Variants in PKD1 observed in about 807,000 individuals in gnomAD.
PKD1 encodes polycystin 1, transient receptor potential channel interacting.
In PKD1, 81 loss-of-function variants were observed where a neutral mutation model predicts 361.7. The observed-to-expected ratio is 0.22, with a 90% CI of 0.19 to 0.27. The LOEUF (loss-of-function observed/expected upper bound fraction) is 0.27. Among genes scored for constraint, PKD1 ranks in the 10% least tolerant of loss-of-function variants. The pLI, the probability that PKD1 is intolerant of heterozygous loss-of-function variation, is 1.00. For synonymous variants in PKD1, 3,615 were observed against 2,818.3 expected (o/e 1.28, Z -8.95); for missense variants, 6,399 against 6,118.3 (o/e 1.05, Z -1.53).
chr16:2,102,980 A>C lies in PKD1; in HGVS notation c.8792-10T>G. ...TCAGACAGGTAGTGGCCTGGGGCAG[A>C]ACGCGCAGGTCACACGCCTGCCGGG... On this transcript the variant is annotated splice_polypyrimidine_tract_variant and intron_variant, in intron 23 of 45. Transcript: ENST00000262304. 3 of 1,601,902 alleles carry C rather than the reference A, an allele frequency of 1.9e-6. No individual in the cohort carries two copies. Among genetic ancestry groups the C allele is most frequent in the Non-Finnish European group, 2.5e-6 (3 of 1,179,562 alleles).
chr16:2,131,395 C>A lies in PKD1; in HGVS notation c.215+4080G>T, dbSNP rs1343596718. 3.3e-5 allele frequency among the ~76,000 whole-genome samples: 5 copies of A among 152,172 alleles called. No individual in the cohort carries two copies. The East Asian group carries it at 9.7e-4, about 29-fold the overall frequency. On this transcript the variant is annotated intron_variant, in intron 1 of 45. Transcript: ENST00000262304. ...GCATGGTGGCGGGCACCAGTCCAGG[C>A]TACTCAGGAGGCTGAGGCAGGAGAA...
intron 21 of PKD1, among the ~76,000 whole-genome samples, chr16:2,104,900 G>A (rs1435911261): frequency 1.2e-5 from 1 of 83,118 alleles, no homozygotes; most frequent in Non-Finnish European, 2.4e-5. Flanking sequence ...GGAGGGGAGA[G>A]AGGAGAGGGG....
rs1409338534 is a variant in PKD1 at position 2,099,774 on chromosome 16, T to C, written c.9924-4A>G. 1.3e-6 allele frequency: 2 copies of C among 1,554,796 alleles called. No homozygotes were observed. Among genetic ancestry groups the C allele is most frequent in the Admixed American group, 1.9e-5 (1 of 51,922 alleles). On this transcript the variant is annotated splice_polypyrimidine_tract_variant and splice_region_variant and intron_variant, in intron 29 of 45. Transcript: ENST00000262304. ...CAGCCTGGACACATGCCCCGTGCTG[T>C]GTGGAGGAGAGGAGGCCACACAGGT...
Position 2,116,619 on chromosome 16 carries a change from G to C in PKD1, c.1632C>G (p.Leu544=). 1 of 1,552,076 alleles carries C rather than the reference G, an allele frequency of 6.4e-7. No individual in the cohort carries two copies. The highest frequency in any genetic ancestry group is 8.7e-7 in the Non-Finnish European group (1 of 1,152,580). Residue 544 remains leucine (L), a synonymous_variant, in exon 8 of 46, where the codon CTC becomes CTG. Transcript: ENST00000262304. ...GGTCCCCACTGGGCGCTCCCACGAGGAGGTTCTCGGCATCCTGCACTGGGC... is the reference window on the plus strand; with the variant it reads ...GGTCCCCACTGGGCGCTCCCACGAGCAGGTTCTCGGCATCCTGCACTGGGC... ...PGGPVQDAEN[L]LVGAPSGDLQ...
Position 2,093,662 on chromosome 16 carries a change from C to G in PKD1, c.10898G>C (p.Ser3633Thr). Residue 3633 changes from serine (S) to threonine (T), a missense_variant, in exon 37 of 46, where the codon AGC (serine) becomes ACC (threonine). By Grantham distance (58) the Ser-to-Thr change is moderately conservative (BLOSUM62 1). Coordinates refer to ENST00000262304, the MANE Select transcript of PKD1 (RefSeq NM_001009944.3). ...TGCGCTCACAGGCGTCACAGCCGGG[C>G]TCTCTACCAGGGTGTCATCTTCATC... Reference protein sequence around the residue: ...HPDEDDTLVESPAVTPVSARV... With the variant: ...HPDEDDTLVETPAVTPVSARV... The G allele has an allele frequency of 6.2e-7, 1 of 1,607,678 alleles. No homozygotes were observed. Among genetic ancestry groups the G allele is most frequent in the Non-Finnish European group, 8.5e-7 (1 of 1,177,336 alleles).
intron 39 of PKD1, 34 bp from the exon 40 acceptor site, chr16:2,092,222 G>A: frequency 2.6e-6 from 4 of 1,554,918 alleles, no homozygotes; most frequent in Non-Finnish European, 3.5e-6. Flanking sequence ...CGGGGCCAGG[G>A]CCTCATCAAA....
chr16:2,103,446 C>T lies in PKD1; in HGVS notation c.8611G>A (p.Ala2871Thr), dbSNP rs556305338. Reference protein sequence around the residue: ...IPIERLASERAITVKVPNNSD... With the variant: ...IPIERLASERTITVKVPNNSD... ...TTGTTGGGCACCTTCACGGTGATGG[C>T]GCGCTCTGAGGCCAGCCGCTCGATG... The change falls in exon 23 of 46, where the codon GCC becomes ACC. Residue 2871 changes from alanine (A) to threonine (T), a missense_variant. Coordinates refer to ENST00000262304, the MANE Select transcript of PKD1 (RefSeq NM_001009944.3). 9.1e-5 allele frequency: 146 copies of T among 1,599,214 alleles called. No homozygotes were observed. The highest frequency in any genetic ancestry group is 2.6e-4 in the South Asian group (24 of 90,982).
At position 2,090,679 on chromosome 16, in the gene PKD1, T is replaced by G; in HGVS notation, c.12133A>C (p.Ile4045Leu). The G allele has an allele frequency of 6.2e-7, 1 of 1,611,870 alleles. No individual in the cohort carries two copies. The highest frequency in any genetic ancestry group is 8.5e-7 in the Non-Finnish European group (1 of 1,179,784). Residue 4045 changes from isoleucine (I) to leucine (L), a missense_variant, in exon 44 of 46, where the codon ATC becomes CTC. Coordinates refer to ENST00000262304, the MANE Select transcript of PKD1 (RefSeq NM_001009944.3). ...VLGVAYAQLA[I>L]LLVSSCVDSL... ...CCGGCCGCGCAGTCACCTACCAGGA[T>G]GGCCAGCTGGGCGTAGGCTACCCCG...
chr16:2,133,855 C>A (rs535245766), intron 1 of PKD1, among the ~76,000 whole-genome samples: 16 of 152,012 alleles, frequency 1.1e-4, no homozygotes, highest in African/African-American at 3.6e-4. Flanking sequence ...AGGACCAGAG[C>A]CTAAGAGGAC....
rs769513074 is a variant in PKD1, at chr16:2,107,853, G to T, written c.7065+30C>A. ...GACCAGGGAGGCTGGGCTGTCCAAGGCAAGTGGCCGAGGGGCGGGCGGCAC... is the reference window on the plus strand; with the variant it reads ...GACCAGGGAGGCTGGGCTGTCCAAGTCAAGTGGCCGAGGGGCGGGCGGCAC... On this transcript the variant is annotated intron_variant, in intron 16 of 45. Coordinates refer to ENST00000262304, the MANE Select transcript of PKD1 (RefSeq NM_001009944.3). 22 of 1,538,738 alleles carry T rather than the reference G, an allele frequency of 1.4e-5. No homozygotes were observed. In the South Asian group the frequency reaches 2.0e-4, roughly 14 times the overall value.
chr16:2,108,906 G>A lies in PKD1; in HGVS notation c.6261C>T (p.Pro2087=), dbSNP rs528896414. 15 of 1,584,858 alleles carry A rather than the reference G, an allele frequency of 9.5e-6. No homozygotes were observed. In the African/African-American group the frequency reaches 1.9e-4, roughly 20 times the overall value. Residue 2087 remains proline (P), a synonymous_variant, in exon 15 of 46, where the codon CCC becomes CCT. Coordinates refer to ENST00000262304, the MANE Select transcript of PKD1 (RefSeq NM_001009944.3). ...AQFEAATSPS[P]RRVAYHWDFG... is the part of the protein sequence containing the mutation. ...AGTCCCAGTGGTAGGCCACACGCCG[G>A]GGGCTGGGGCTGGTGGCGGCCTCAA...
chr16:2,117,741 C>T, intron 5 of PKD1, 50 bp downstream of exon 5: 4 of 1,236,448 alleles, frequency 3.2e-6, no homozygotes, highest in Non-Finnish European at 4.7e-6. Context: ...CAGGCTCTGC[C>T]CCATCTGGAT....
chr16:2,131,753 A>G (rs370253230), intron 1 of PKD1: 10 of 149,466 alleles, frequency 6.7e-5, no homozygotes, highest in East Asian at 6.1e-4. Context: ...AACCCGGGAG[A>G]TGGAGGCTGC....
At chr16:2,124,090 G>A (rs1191833882) in intron 1 of PKD1, among the ~76,000 whole-genome samples, 1 of 152,166 alleles carries the variant, frequency 6.6e-6, no homozygotes, top group Admixed American at 6.5e-5. Context: ...CCACAGTACG[G>A]GTCTTCACCC....
At chr16:2,094,501 C>G (rs376040221) in intron 34 of PKD1, among the ~76,000 whole-genome samples, 1 of 152,316 alleles carries the variant, frequency 6.6e-6, no homozygotes. Flanking sequence ...CAGCAGTGCA[C>G]AGTCTCTCAG....
chr16:2,119,436 C>T (rs1013891429), intron 1 of PKD1, 58 bp from the exon 2 acceptor site: 7 of 1,117,758 alleles, frequency 6.3e-6, no homozygotes, highest in Non-Finnish European at 9.1e-6. Context: ...AGAGGCCATC[C>T]CTGGGCCCAT....
chr16:2,101,316 G>A (rs531590930), intron 26 of PKD1, among the ~76,000 whole-genome samples: 2 of 151,814 alleles, frequency 1.3e-5, no homozygotes, highest in African/African-American at 2.4e-5. Flanking sequence ...TCAAAAGAAA[G>A]AACTGGGCAA....
At chr16:2,131,110 C>T (rs2092871598) in intron 1 of PKD1, among the ~76,000 whole-genome samples, 1 of 152,198 alleles carries the variant, frequency 6.6e-6, no homozygotes, top group South Asian at 2.1e-4. Context: ...GGAGGTGACA[C>T]CATGGAGGTG....
Position 2,135,894 on chromosome 16 carries a change from A to G in PKD1, c.-205T>C, listed in dbSNP as rs1312368973. 2.5e-5 allele frequency: 5 copies of G among 197,716 alleles called. No individual in the cohort carries two copies. Among genetic ancestry groups the G allele is most frequent in the Non-Finnish European group, 4.5e-5 (5 of 111,664 alleles). 12.2% of individuals were successfully genotyped at this position (197,716 alleles called of 1,614,324 possible). ...CCGCCCGCTCGGACGCTGGCGCTGC[A>G]GTGCGGGCCCCGCCGCGGCTCCTCC... On this transcript the variant is annotated 5_prime_UTR_variant, in exon 1 of 46. Coordinates refer to ENST00000262304, the MANE Select transcript of PKD1 (RefSeq NM_001009944.3).
Sources: gnomAD v4.1 joint callset for allele counts (sites outside exome capture counted in the v4.1 genomes callset) on GRCh38, gnomAD v4.1.1 for gene constraint, MANE v1.5 for transcripts, NCBI Gene and HGNC (gene_info 2026-07-23, HGNC 2026-07-21) for gene names.